The following IL20RA variants were observed in gnomAD, a reference collection of about 807,000 sequenced individuals.
IL20RA encodes interleukin 20 receptor subunit alpha.
IL20RA carries 29 observed loss-of-function variants against 36.5 expected under a neutral mutation model. The observed-to-expected ratio is 0.79, with a 90% CI of 0.59 to 1.08. The LOEUF is 1.08. Among genes scored for constraint, IL20RA ranks in the 50% least tolerant of loss-of-function variants. IL20RA has a pLI of 0.00. For synonymous variants in IL20RA, 279 were observed against 267.1 expected (o/e 1.04, Z -0.43); for missense variants, 652 against 668.4 (o/e 0.98, Z 0.27).
chr6:137,016,614 T>C (rs564215262), intron 2 of IL20RA, among the ~76,000 whole-genome samples: 2 of 152,310 alleles, frequency 1.3e-5, no homozygotes, highest in East Asian at 3.9e-4. Context: ...TCACACCAAA[T>C]GTGCACGCGG....
chr6:137,033,680 G>T (rs766723382), intron 1 of IL20RA, among the ~76,000 whole-genome samples: 27 of 152,214 alleles, frequency 1.8e-4, no homozygotes, highest in Non-Finnish European at 3.7e-4. Context: ...CCAAGCAGGT[G>T]CCAGCACCAT....
chr6:137,016,970 G>A lies in IL20RA; in HGVS notation c.222C>T (p.Phe74=). 1 of 1,612,352 alleles carries A rather than the reference G, an allele frequency of 6.2e-7. No individual in the cohort carries two copies. The highest frequency in any genetic ancestry group is 8.5e-7 in the Non-Finnish European group (1 of 1,179,222). The change falls in exon 2 of 7, where the codon TTC becomes TTT. Residue 74 remains phenylalanine, a splice_region_variant and synonymous_variant. Transcript: ENST00000316649. ...GVKVTYTVQY[F]IYGQKKWLNK... ...CAAAAGGAAAAGAAGAAACTTACAT[G>A]AAATACTGCACAGTGTAAGTAACTT...
chr6:137,030,322 G>A (rs1355314653), intron 1 of IL20RA, among the ~76,000 whole-genome samples: 2 of 152,044 alleles, frequency 1.3e-5, no homozygotes, highest in East Asian at 3.8e-4. Flanking sequence ...TTGGGCTCAA[G>A]TGATCCTCCT....
At chr6:137,007,276 A>G (rs1306634173) in intron 5 of IL20RA, among the ~76,000 whole-genome samples, 3 of 152,266 alleles carry the variant, frequency 2.0e-5, no homozygotes, top group African/African-American at 7.2e-5. Flanking sequence ...CCTTCATTGT[A>G]AAAGAAAAGC....
intron 1 of IL20RA, among the ~76,000 whole-genome samples, chr6:137,024,556 G>C (rs927148814): frequency 2.6e-5 from 4 of 152,184 alleles, no homozygotes; most frequent in African/African-American, 9.7e-5. Flanking sequence ...CTTTGGTTTG[G>C]TACACAAATT....
rs373289362 is a variant in IL20RA, at chr6:137,008,693, C to A, written c.630G>T (p.Pro210=). Residue 210 remains proline (P), a synonymous_variant, in exon 5 of 7, where the codon CCG becomes CCT. Transcript: ENST00000316649. ...NHTLVLTWLE[P]NTLYCVHVES... ...CCACGTGTACGCAGTAAAGAGTGTT[C>A]GGCTCCAGCCAGGTGAGCACCAGCG... is the stretch of plus-strand genomic sequence containing the variant. The A allele has an allele frequency of 5.9e-5, 95 of 1,606,778 alleles. No individual in the cohort carries two copies. Among genetic ancestry groups the A allele is most frequent in the Non-Finnish European group, 7.1e-5 (84 of 1,176,712 alleles).
At chr6:137,035,253 A>G (rs1172359905) in intron 1 of IL20RA, among the ~76,000 whole-genome samples, 1 of 152,184 alleles carries the variant, frequency 6.6e-6, no homozygotes, top group African/African-American at 2.4e-5. Flanking sequence ...ATTTACTTGG[A>G]TATCAAATTT....
At chr6:137,028,039 T>C (rs948140455) in intron 1 of IL20RA, among the ~76,000 whole-genome samples, 1 of 152,270 alleles carries the variant, frequency 6.6e-6, no homozygotes, top group Admixed American at 6.5e-5. Flanking sequence ...TTCATAGTTA[T>C]ATTCGTGTGA....
chr6:137,018,382 G>A (rs1775775816), intron 1 of IL20RA, among the ~76,000 whole-genome samples: 1 of 152,110 alleles, frequency 6.6e-6, no homozygotes, highest in Non-Finnish European at 1.5e-5. Flanking sequence ...GTGTAAAGAT[G>A]GCTGAGTGTA....
intron 1 of IL20RA, among the ~76,000 whole-genome samples, chr6:137,030,192 C>G (rs941670261): frequency 6.7e-6 from 1 of 148,854 alleles, no homozygotes; most frequent in Non-Finnish European, 1.5e-5. Context: ...GTGGTCCTCC[C>G]TCCTCAGTCT....
chr6:137,028,414 T>TAAA (rs36068116), intron 1 of IL20RA, among the ~76,000 whole-genome samples: 1,240 of 117,262 alleles, frequency 0.011, 21 homozygotes, highest in African/African-American at 0.038. Flanking sequence ...AGACTCCATC[T>TAAA]AAAAAAAAAA....
chr6:137,004,179 T>C (rs1775192535), intron 6 of IL20RA, among the ~76,000 whole-genome samples: 1 of 144,488 alleles, frequency 6.9e-6, no homozygotes. Flanking sequence ...TTTTTTTTTT[T>C]TTTTTTGAGA....
In IL20RA at chr6:137,001,880, T is replaced by C. The variant is rs143448674; in HGVS notation, c.1340A>G (p.Gln447Arg). 4.3e-5 allele frequency: 69 copies of C among 1,613,854 alleles called. No homozygotes were observed. The African/African-American group carries it at 6.8e-4, about 16-fold the overall frequency. Residue 447 changes from glutamine to arginine, a missense_variant, in exon 7 of 7, where the codon CAG (glutamine) becomes CGG (arginine). Coordinates refer to ENST00000316649, the MANE Select transcript of IL20RA (RefSeq NM_014432.4). ...TTGGAGCTGAGGGGTGTATGAGTAC[T>C]GTAACGTTTGCGGGCCCAAGACTGC... ...ALAVLGPQTLQYSYTPQLQDL... is the reference protein window; with the variant it reads ...ALAVLGPQTLRYSYTPQLQDL...
chr6:137,005,828 T>G (rs1775258123), intron 5 of IL20RA, among the ~76,000 whole-genome samples: 1 of 152,152 alleles, frequency 6.6e-6, no homozygotes, highest in Non-Finnish European at 1.5e-5. Context: ...TACCTTTGGG[T>G]GCGAACTGCA....
Position 137,000,234 on chromosome 6 carries a change from G to C in IL20RA, c.*1324C>G, listed in dbSNP as rs1774981260. The C allele has an allele frequency of 6.6e-6, 1 of 152,128 alleles. No individual in the cohort carries two copies. The highest frequency in any genetic ancestry group is 2.4e-5 in the African/African-American group (1 of 41,428). The allele number at this position is 152,128 out of a possible 1,614,324, so 9.4% of individuals were successfully genotyped here. ...TCTCTCCTACCAGGGTTGTCTGCCT[G>C]TACCAATAATATCAATAAGGAAATA... On this transcript the variant is annotated 3_prime_UTR_variant, in exon 7 of 7. Coordinates refer to ENST00000316649, the MANE Select transcript of IL20RA (RefSeq NM_014432.4).
chr6:137,030,626 G>A (rs1776245356), intron 1 of IL20RA, among the ~76,000 whole-genome samples: 1 of 152,092 alleles, frequency 6.6e-6, no homozygotes, highest in Admixed American at 6.6e-5. Flanking sequence ...TTGTCCTTAG[G>A]AAGGTTAGAA....
At chr6:137,024,686 T>G (rs1273732211) in intron 1 of IL20RA, among the ~76,000 whole-genome samples, 1 of 150,140 alleles carries the variant, frequency 6.7e-6, no homozygotes, top group Non-Finnish European at 1.5e-5. Flanking sequence ...CCTTTGCGTT[T>G]AGGTCCCTTC....
At chr6:137,014,624 T>C (rs897417442) in intron 2 of IL20RA, among the ~76,000 whole-genome samples, 10 of 152,180 alleles carry the variant, frequency 6.6e-5, no homozygotes, top group African/African-American at 2.4e-4. Flanking sequence ...AGAGGTTAAT[T>C]ATTAAAATAA....
chr6:137,034,059 C>T (rs1489039173), intron 1 of IL20RA, among the ~76,000 whole-genome samples: 1 of 152,068 alleles, frequency 6.6e-6, no homozygotes, highest in Non-Finnish European at 1.5e-5. Flanking sequence ...TAATGTGTGC[C>T]TTTTGATTAC....
Sources: gnomAD v4.1 joint callset for allele counts (sites outside exome capture counted in the v4.1 genomes callset) on GRCh38, gnomAD v4.1.1 for gene constraint, MANE v1.5 for transcripts, NCBI Gene and HGNC (gene_info 2026-07-23, HGNC 2026-07-21) for gene names.